The following PAXBP1 variants were observed in gnomAD, a reference collection of about 807,000 sequenced individuals.
The protein encoded by PAXBP1 is PAX3- and PAX7-binding protein 1.
In PAXBP1, 44 loss-of-function variants were observed where a neutral mutation model predicts 119.9. That is an observed-to-expected ratio of 0.37 (90% CI 0.29 to 0.47). PAXBP1 has a LOEUF of 0.47. Among genes scored for constraint, PAXBP1 ranks in the 20% least tolerant of loss-of-function variants. The pLI is 0.99. For missense variants in PAXBP1, 898 were observed against 1,134.1 expected (o/e 0.79, Z 2.99); for synonymous variants, 393 against 406.6 (o/e 0.97, Z 0.40).
intron 15 of PAXBP1, chr21:32,742,164 T>C (rs576882617): frequency 4.6e-5 from 7 of 152,282 alleles, no homozygotes; most frequent in Admixed American, 1.3e-4. Flanking sequence ...TTGGTAGTGA[T>C]AACATGGCTG....
intron 15 of PAXBP1, among the ~76,000 whole-genome samples, chr21:32,739,356 ATT>A (rs1477253881): frequency 6.6e-6 from 1 of 152,190 alleles, no homozygotes; most frequent in Non-Finnish European, 1.5e-5. Context: ...TGTGCAGGTT[ATT>A]GTGTGCCTCA....
At chr21:32,740,250 C>T (rs1281509313) in intron 15 of PAXBP1, among the ~76,000 whole-genome samples, 1 of 152,192 alleles carries the variant, frequency 6.6e-6, no homozygotes, top group Non-Finnish European at 1.5e-5. Context: ...TGGAAGTCCC[C>T]AATGGGGGGG....
At chr21:32,736,363 AT>A (rs961364083) in intron 17 of PAXBP1, among the ~76,000 whole-genome samples, 4 of 151,788 alleles carry the variant, frequency 2.6e-5, no homozygotes, top group African/African-American at 4.8e-5. Flanking sequence ...TAATTTTTGT[AT>A]TTTTAGTAGA....
chr21:32,771,355 C>A lies in PAXBP1; in HGVS notation c.314G>T (p.Ser105Ile). Residue 105 changes from serine to isoleucine, a missense_variant, in exon 1 of 18, where the codon AGC becomes ATC. By Grantham distance (142) the Ser-to-Ile change is moderately radical. Coordinates refer to ENST00000331923, the MANE Select transcript of PAXBP1 (RefSeq NM_016631.4). ...CTCCTCGTCCTGGAAGCTGAGCAGG[C>A]TGGCCCGGGGCACCTCTTTGTTCTC... ...PRENKEVPRA[S>I]LLSFQDEEEE... is the part of the protein sequence containing the mutation. The A allele has an allele frequency of 1.3e-6, 2 of 1,585,908 alleles. No homozygotes were observed. Among genetic ancestry groups the A allele is most frequent in the Non-Finnish European group, 1.7e-6 (2 of 1,173,810 alleles).
At position 32,771,472 on chromosome 21, in the gene PAXBP1, G is replaced by A. The variant is rs759708206; in HGVS notation, c.197C>T (p.Ala66Val). 84 of 1,336,020 alleles carry A rather than the reference G, an allele frequency of 6.3e-5. No homozygotes were observed. In the African/African-American group the frequency reaches 1.1e-3, roughly 17 times the overall value. 82.8% of individuals were successfully genotyped at this position (1,336,020 alleles called of 1,614,324 possible). Reference protein sequence around the residue: ...LLGPGPSPPSALTPGLGAEAG... With the variant: ...LLGPGPSPPSVLTPGLGAEAG... Reference sequence around the variant, plus strand: ...CTCAGCCCCGAGGCCCGGGGTCAGCGCGGAAGGCGGCGACGGCCCCGGGCC... The same window carrying A: ...CTCAGCCCCGAGGCCCGGGGTCAGCACGGAAGGCGGCGACGGCCCCGGGCC... The change falls in exon 1 of 18, where the codon GCG (alanine) becomes GTG (valine). Residue 66 changes from alanine (A) to valine (V), a missense_variant. By Grantham distance (64) the Ala-to-Val change is moderately conservative. Coordinates refer to ENST00000331923, the MANE Select transcript of PAXBP1 (RefSeq NM_016631.4).
intron 7 of PAXBP1, among the ~76,000 whole-genome samples, 171 bp downstream of exon 7, chr21:32,758,909 T>G: frequency 6.6e-6 from 1 of 152,096 alleles, no homozygotes; most frequent in African/African-American, 2.4e-5. Context: ...ATATTGCCCT[T>G]AAGAGATAAT....
At chr21:32,745,485 G>A (rs879015919) in intron 12 of PAXBP1, 89 bp downstream of exon 12, 1 of 1,529,686 alleles carries the variant, frequency 6.5e-7, no homozygotes, top group Non-Finnish European at 9.0e-7. Context: ...ATTTCTATAA[G>A]GAAACATGCT....
At chr21:32,764,745 T>TA (rs1377372357) in intron 2 of PAXBP1, among the ~76,000 whole-genome samples, 1 of 152,126 alleles carries the variant, frequency 6.6e-6, no homozygotes, top group Non-Finnish European at 1.5e-5. Context: ...CAGGATTAGG[T>TA]AAAAATAATA....
chr21:32,744,713 A>G, intron 13 of PAXBP1, 79 bp downstream of exon 13: 1 of 1,397,730 alleles, frequency 7.2e-7, no homozygotes. Context: ...GTTTAGGATA[A>G]CCACTCATTC....
At position 32,771,641 on chromosome 21, in the gene PAXBP1, C is replaced by G. The variant is rs1194728991; in HGVS notation, c.28G>C (p.Val10Leu). The change falls in exon 1 of 18, where the codon GTG becomes CTG. Residue 10 changes from valine to leucine, a missense_variant. This residue lies in a region of PAXBP1 where 299 missense variants were observed against 281.4 expected (regional missense o/e 1.06). Transcript: ENST00000331923. MFRKARRVN[V>L]RKRNDSEEEE... ...TCTTCGGAGTCGTTCCGCTTGCGCA[C>G]GTTCACCCGCCGGGCCTTTCGGAAC... 1 of 1,446,928 alleles carries G rather than the reference C, an allele frequency of 6.9e-7. No individual in the cohort carries two copies. Among genetic ancestry groups the G allele is most frequent in the Non-Finnish European group, 9.1e-7 (1 of 1,102,396 alleles). 89.6% of individuals were successfully genotyped at this position (1,446,928 alleles called of 1,614,324 possible).
intron 15 of PAXBP1, among the ~76,000 whole-genome samples, chr21:32,740,097 G>A (rs1196791537): frequency 2.0e-5 from 3 of 152,172 alleles, no homozygotes; most frequent in Admixed American, 6.5e-5. Flanking sequence ...TGGGGACCCC[G>A]CTGAGGGCAA....
In PAXBP1 at chr21:32,759,214, G is replaced by C; in HGVS notation, c.1249C>G (p.Leu417Val). ...CTGGTAGAGTCCACTCGGCTTTGCA[G>C]ATGTTTCTCATGCTGCTGTCGATTT... ...KTNRQQHEKHLQSRVDSTRAI... is the reference protein window; with the variant it reads ...KTNRQQHEKHVQSRVDSTRAI... Residue 417 changes from leucine to valine, a missense_variant, in exon 7 of 18, where the codon CTG becomes GTG. This residue lies in a region of PAXBP1 where 599 missense variants were observed against 852.7 expected (regional missense o/e 0.70). Coordinates refer to ENST00000331923, the MANE Select transcript of PAXBP1 (RefSeq NM_016631.4). The C allele has an allele frequency of 6.2e-7, 1 of 1,614,060 alleles. No homozygotes were observed. Among genetic ancestry groups the C allele is most frequent in the Non-Finnish European group, 8.5e-7 (1 of 1,179,958 alleles).
At chr21:32,736,970 CCTCT>C (rs2043701453) in intron 17 of PAXBP1, among the ~76,000 whole-genome samples, 1 of 152,218 alleles carries the variant, frequency 6.6e-6, no homozygotes, top group Admixed American at 6.5e-5. Context: ...GAGTCTGAGA[CCTCT>C]CTAATTCTTC....
intron 7 of PAXBP1, chr21:32,756,753 A>G (rs1278758598): frequency 5.7e-6 from 1 of 174,076 alleles, no homozygotes; most frequent in Non-Finnish European, 1.2e-5. Flanking sequence ...AGCTTCCTGT[A>G]CTGTAGGAAC....
At chr21:32,747,546 G>C (rs2043892883) in intron 11 of PAXBP1, among the ~76,000 whole-genome samples, 2 of 152,220 alleles carry the variant, frequency 1.3e-5, no homozygotes, top group Admixed American at 6.5e-5. Context: ...AATAGGAGCT[G>C]TGAGCTGAAT....
intron 8 of PAXBP1, among the ~76,000 whole-genome samples, chr21:32,752,658 A>C (rs2043974810): frequency 6.6e-6 from 1 of 152,222 alleles, no homozygotes. Context: ...TTATTTATTG[A>C]GACGGAGTCT....
intron 13 of PAXBP1, 136 bp downstream of exon 13, chr21:32,744,649 TTTCAGGC>T (rs2043845624): frequency 2.5e-6 from 2 of 808,444 alleles, no homozygotes; most frequent in African/African-American, 3.6e-5. Flanking sequence ...ATTTTGTGTA[TTTCAGGC>T]TTTAATGGCC....
At chr21:32,735,353 T>C (rs917237842) in intron 17 of PAXBP1, among the ~76,000 whole-genome samples, 40 of 152,158 alleles carry the variant, frequency 2.6e-4, no homozygotes, top group Non-Finnish European at 4.4e-5. Context: ...TCATTAATAT[T>C]GAGAAAGAAA....
intron 10 of PAXBP1, 151 bp downstream of exon 10, chr21:32,750,766 T>A (rs887713255): frequency 2.3e-5 from 14 of 605,204 alleles, no homozygotes; most frequent in Middle Eastern, 4.4e-4. Flanking sequence ...TGATATTCAC[T>A]AATAAAAAGG....
Sources: gnomAD v4.1 joint callset for allele counts (sites outside exome capture counted in the v4.1 genomes callset) on GRCh38, gnomAD v4.1.1 for gene constraint, gnomAD v4.1.1 regional missense constraint, MANE v1.5 for transcripts, NCBI Gene and HGNC (gene_info 2026-07-23, HGNC 2026-07-21) for gene names.